Variants in CCDC3 observed in about 807,000 individuals in gnomAD.
CCDC3 encodes coiled-coil domain containing 3, also known as coiled-coil domain-containing protein 3.
Under a neutral mutation model 21.4 loss-of-function variants are expected in CCDC3, and 24 were observed. The observed-to-expected ratio is 1.12, with a 90% CI of 0.81 to 1.58. CCDC3 has a LOEUF of 1.58. CCDC3 is among the 40% of genes most tolerant of loss of function. CCDC3 has a pLI of 0.00. For missense variants in CCDC3, 425 were observed against 360.9 expected, an observed-to-expected ratio of 1.18 and a Z score of -1.44; for synonymous variants, 186 against 166.0, an observed-to-expected ratio of 1.12 and a Z score of -0.93.
At chr10:13,026,764 A>G (rs760072750) in intron 5 of CCDC3, among the ~76,000 whole-genome samples, 4 of 152,234 alleles carry the variant, frequency 2.6e-5, no homozygotes, top group Admixed American at 6.5e-5. Flanking sequence ...GTTTAATCTC[A>G]TAATAGTCAA....
At chr10:12,967,312 G>A (rs1257095994) in intron 2 of CCDC3, among the ~76,000 whole-genome samples, 1 of 152,146 alleles carries the variant, frequency 6.6e-6, no homozygotes, top group African/African-American at 2.4e-5. Context: ...TTTTGGTGGT[G>A]TTATAATCTC....
At chr10:13,055,808 G>T (rs1836674752) in intron 4 of CCDC3, among the ~76,000 whole-genome samples, 1 of 152,178 alleles carries the variant, frequency 6.6e-6, no homozygotes, top group Admixed American at 6.5e-5. Flanking sequence ...ACATGCTACA[G>T]TCTCTCTTTT....
At chr10:13,011,838 A>C (rs1177310834) in intron 5 of CCDC3, among the ~76,000 whole-genome samples, 1 of 152,204 alleles carries the variant, frequency 6.6e-6, no homozygotes, top group Non-Finnish European at 1.5e-5. Flanking sequence ...TGGTAGTGGC[A>C]CAAAAACAGA....
At chr10:13,017,703 C>G (rs1165146619) in intron 5 of CCDC3, among the ~76,000 whole-genome samples, 1 of 151,982 alleles carries the variant, frequency 6.6e-6, no homozygotes, top group African/African-American at 2.4e-5. Flanking sequence ...AAATAACTTT[C>G]AAGATTTTTC....
At chr10:13,099,497 C>G (rs1188152757) in intron 1 of CCDC3, 1 of 148,854 alleles carries the variant, frequency 6.7e-6, no homozygotes, top group Admixed American at 6.7e-5. Context: ...GGGCGGCTCT[C>G]GCTCCTACCT....
intron 3 of CCDC3, among the ~76,000 whole-genome samples, chr10:13,081,366 T>A (rs373113813): frequency 1.6e-4 from 24 of 151,986 alleles, no homozygotes; most frequent in Admixed American, 1.6e-3. Context: ...GGAAACCACA[T>A]CCTCATCAAA....
At chr10:12,918,642 C>A (rs1223994526) in intron 2 of CCDC3, among the ~76,000 whole-genome samples, 1 of 152,188 alleles carries the variant, frequency 6.6e-6, no homozygotes, top group East Asian at 1.9e-4. Flanking sequence ...GACTTTAAGA[C>A]CCATGTGTAG....
At chr10:12,919,339 C>T (rs1834409454) in intron 2 of CCDC3, among the ~76,000 whole-genome samples, 1 of 152,140 alleles carries the variant, frequency 6.6e-6, no homozygotes, top group South Asian at 2.1e-4. Flanking sequence ...CCTGTAATCC[C>T]AGCACTTTGG....
chr10:13,070,077 C>T lies in CCDC3; in HGVS notation c.-270+3791G>A, dbSNP rs139109984. Among the ~76,000 whole-genome samples the T allele has an allele frequency of 8.2e-3, 1,221 of 149,396 alleles. 10 individuals carry two copies. The highest frequency in any genetic ancestry group is 8.7e-3 in the Non-Finnish European group (586 of 67,542). ...TCAAGCAAAACAAGAGTTAACTGAA[C>T]GGTCTAAACTAATACAAAACTGAGG... On this transcript the variant is annotated intron_variant, in intron 4 of 6. Coordinates refer to the CCDC3 transcript ENST00000378839.
rs146448292 is a variant in CCDC3 at position 12,940,914 on chromosome 10, T to C, written c.550-42235A>G. Among the ~76,000 whole-genome samples the C allele has an allele frequency of 4.1e-3, 622 of 152,112 alleles. 6 individuals are homozygous for C. Among genetic ancestry groups the C allele is most frequent in the African/African-American group, 0.014 (591 of 41,482 alleles). On this transcript the variant is annotated intron_variant, in intron 2 of 2. Transcript: ENST00000378825. ...AGGAAAGGGAGGCACTGAATTTAGA[T>C]CCCTGAGTAGGAATTGCTGATCTTT...
At chr10:12,940,723 G>A (rs1450803279) in intron 2 of CCDC3, among the ~76,000 whole-genome samples, 3 of 152,150 alleles carry the variant, frequency 2.0e-5, no homozygotes, top group African/African-American at 4.8e-5. Context: ...CTTGCCTTCT[G>A]CACATAAATT....
chr10:13,081,639 A>G (rs1837040050), intron 3 of CCDC3, among the ~76,000 whole-genome samples: 1 of 152,048 alleles, frequency 6.6e-6, no homozygotes, highest in South Asian at 2.1e-4. Flanking sequence ...AATCTAACTC[A>G]CCTCAAGTTA....
intron 2 of CCDC3, among the ~76,000 whole-genome samples, chr10:12,967,455 T>C (rs922319658): frequency 6.6e-6 from 1 of 151,936 alleles, no homozygotes; most frequent in Non-Finnish European, 1.5e-5. Context: ...ATAATCAACA[T>C]TAGAAATTTA....
At chr10:12,955,119 A>C in intron 2 of CCDC3, among the ~76,000 whole-genome samples, 1 of 152,240 alleles carries the variant, frequency 6.6e-6, no homozygotes, top group East Asian at 1.9e-4. Flanking sequence ...TGCTTAGAAC[A>C]ATCCTATTGT....
At position 12,905,519 on chromosome 10, in the gene CCDC3, C is replaced by T. The variant is rs1318233705; in HGVS notation, c.550-6840G>A. Among the ~76,000 whole-genome samples the T allele has an allele frequency of 3.3e-5, 5 of 152,306 alleles. No individual in the cohort carries two copies. The East Asian group carries it at 9.6e-4, about 29-fold the overall frequency. Reference sequence around the variant, plus strand: ...AGGGTTTGAAAAAAACACCTGGTGCCAGAGACGCCCAAGAACCTCACTGTC... The same window carrying T: ...AGGGTTTGAAAAAAACACCTGGTGCTAGAGACGCCCAAGAACCTCACTGTC... On this transcript the variant is annotated intron_variant, in intron 2 of 2. Coordinates refer to ENST00000378825, the MANE Select transcript of CCDC3 (RefSeq NM_031455.4).
At chr10:12,936,731 G>A (rs2131233352) in intron 2 of CCDC3, among the ~76,000 whole-genome samples, 1 of 152,232 alleles carries the variant, frequency 6.6e-6, no homozygotes, top group Admixed American at 6.5e-5. Context: ...AGATGCTGAG[G>A]CCCCCATCTG....
intron 2 of CCDC3, among the ~76,000 whole-genome samples, chr10:12,957,937 T>G (rs1301971248): frequency 6.6e-6 from 1 of 152,054 alleles, no homozygotes; most frequent in Non-Finnish European, 1.5e-5. Flanking sequence ...TCAAGTGATT[T>G]TCCTGCCTCA....
chr10:12,970,368 T>C lies in CCDC3; in HGVS notation c.549+27970A>G, dbSNP rs75117870. Among the ~76,000 whole-genome samples, 436 of 152,298 alleles carry C rather than the reference T, an allele frequency of 2.9e-3. 9 individuals carry two copies. The East Asian group carries it at 0.046, about 16-fold the overall frequency. ...CATTTTCAACTTACGGTGGGTTTAT[T>C]GCTGTACAACCCCATCGTAAGTTGA... is the stretch of plus-strand genomic sequence containing the variant. On this transcript the variant is annotated intron_variant, in intron 2 of 2. Transcript: ENST00000378825.
In CCDC3 at chr10:12,947,155, T is replaced by G. The variant is rs918668631; in HGVS notation, c.550-48476A>C. ...CATCTTTTGCTCACTTTTTTTTTTT[T>G]TTGTTTTTTGGAGACAGGGTCTTGC... On this transcript the variant is annotated intron_variant, in intron 2 of 2. Coordinates refer to ENST00000378825, the MANE Select transcript of CCDC3 (RefSeq NM_031455.4). Among the ~76,000 whole-genome samples the G allele has an allele frequency of 7.2e-4, 108 of 150,834 alleles. 1 individual carries two copies. In the Middle Eastern group the frequency reaches 0.01, roughly 14 times the overall value.
Sources: gnomAD v4.1 joint callset for allele counts (sites outside exome capture counted in the v4.1 genomes callset) on GRCh38, gnomAD v4.1.1 for gene constraint, MANE v1.5 for transcripts, NCBI Gene and HGNC (gene_info 2026-07-23, HGNC 2026-07-21) for gene names.